The following B3GALT1 variants were observed in gnomAD, a reference collection of about 807,000 sequenced individuals.
B3GALT1 encodes UDP-Gal:betaGlcNAc beta 1,3-galactosyltransferase, polypeptide 1.
B3GALT1 carries 10 observed loss-of-function variants against 23.2 expected under a neutral mutation model. That is an observed-to-expected ratio of 0.43 (90% CI 0.27 to 0.73). The LOEUF (loss-of-function observed/expected upper bound fraction) is 0.73. Ranked by LOEUF, B3GALT1 falls within the 30% of genes least tolerant of loss-of-function variation. B3GALT1 has a pLI of 0.21. For missense variants in B3GALT1, 299 were observed against 405.4 expected, an observed-to-expected ratio of 0.74 and a Z score of 2.25; for synonymous variants, 156 against 141.5, an observed-to-expected ratio of 1.10 and a Z score of -0.73.
chr2:167,493,204 A>G (rs1699735486), intron 2 of B3GALT1, among the ~76,000 whole-genome samples: 1 of 152,156 alleles, frequency 6.6e-6, no homozygotes, highest in Admixed American at 6.5e-5. Flanking sequence ...CTTTCACATT[A>G]TAGTCATTTT....
chr2:167,601,113 G>T lies in B3GALT1; in HGVS notation c.-409-45796G>T, dbSNP rs139022276. The stretch of plus-strand genomic sequence containing the variant: ...TCTAGCTCTGTTGCCAGACTGGAGT[G>T]CAGTGGTGCAATCTCTGCTCACTGC... On this transcript the variant is annotated intron_variant, in intron 2 of 4. Transcript: ENST00000392690. 1.8e-3 allele frequency among the ~76,000 whole-genome samples: 277 copies of T among 152,310 alleles called. 2 individuals carry two copies. The East Asian group carries it at 0.034, about 18-fold the overall frequency.
chr2:167,864,351 T>C (rs1380789107), intron 4 of B3GALT1, among the ~76,000 whole-genome samples: 2 of 152,110 alleles, frequency 1.3e-5, no homozygotes, highest in African/African-American at 2.4e-5. Context: ...CCAGCCAAGG[T>C]TGAGACCAGC....
At chr2:167,631,027 G>A (rs892756701) in intron 2 of B3GALT1, among the ~76,000 whole-genome samples, 1 of 138,002 alleles carries the variant, frequency 7.2e-6, no homozygotes, top group Admixed American at 7.3e-5. Flanking sequence ...AAAGGGGGGG[G>A]AATTTTACTT....
chr2:167,728,602 T>A (rs1687357938), intron 3 of B3GALT1, among the ~76,000 whole-genome samples: 1 of 152,260 alleles, frequency 6.6e-6, no homozygotes, highest in South Asian at 2.1e-4. Context: ...ATCTGCTTAG[T>A]AACTGTTGAC....
At chr2:167,527,415 A>G (rs994589729) in intron 2 of B3GALT1, among the ~76,000 whole-genome samples, 1 of 151,938 alleles carries the variant, frequency 6.6e-6, no homozygotes, top group South Asian at 2.1e-4. Context: ...TTTGATACAA[A>G]TAAGTTTCTC....
At chr2:167,435,200 C>T (rs1450653581) in intron 1 of B3GALT1, among the ~76,000 whole-genome samples, 3 of 151,506 alleles carry the variant, frequency 2.0e-5, no homozygotes, top group South Asian at 2.1e-4. Context: ...TTACAACAAC[C>T]TTTGCTTGAT....
intron 3 of B3GALT1, among the ~76,000 whole-genome samples, chr2:167,709,846 A>G (rs1008335106): frequency 6.6e-6 from 1 of 152,190 alleles, no homozygotes; most frequent in Admixed American, 6.5e-5. Context: ...CCATTTATGA[A>G]ATGAGACAAA....
intron 2 of B3GALT1, among the ~76,000 whole-genome samples, chr2:167,638,515 G>C (rs779887347): frequency 1.3e-5 from 2 of 152,030 alleles, no homozygotes; most frequent in African/African-American, 4.8e-5. Flanking sequence ...AAGTCAGAGA[G>C]AGGGAACTAA....
At chr2:167,401,895 G>A (rs1332210271) in intron 1 of B3GALT1, among the ~76,000 whole-genome samples, 1 of 152,122 alleles carries the variant, frequency 6.6e-6, no homozygotes, top group Non-Finnish European at 1.5e-5. Flanking sequence ...GTTAACTAAG[G>A]AAGATTATTT....
chr2:167,520,666 G>A (rs537361517), intron 2 of B3GALT1, among the ~76,000 whole-genome samples: 1 of 152,260 alleles, frequency 6.6e-6, no homozygotes, highest in African/African-American at 2.4e-5. Context: ...CTACCTCTTG[G>A]TAGCCATTGC....
chr2:167,308,722 A>T (rs1047047634), intron 1 of B3GALT1, among the ~76,000 whole-genome samples: 1 of 151,958 alleles, frequency 6.6e-6, no homozygotes, highest in African/African-American at 2.4e-5. Context: ...TTTAGTTGGC[A>T]ATGGGAAATG....
intron 4 of B3GALT1, among the ~76,000 whole-genome samples, chr2:167,868,593 T>A (rs1335462455): frequency 6.6e-6 from 1 of 152,148 alleles, no homozygotes; most frequent in Non-Finnish European, 1.5e-5. Context: ...ATAATCTATG[T>A]ATTTCTTAAT....
At chr2:167,728,048 CAT>C (rs1220730448) in intron 3 of B3GALT1, among the ~76,000 whole-genome samples, 1 of 152,142 alleles carries the variant, frequency 6.6e-6, no homozygotes, top group African/African-American at 2.4e-5. Context: ...CAGTGTCTGC[CAT>C]GTGACAAACA....
intron 3 of B3GALT1, among the ~76,000 whole-genome samples, chr2:167,737,108 T>G (rs182727618): frequency 6.6e-6 from 1 of 152,342 alleles, no homozygotes; most frequent in East Asian, 1.9e-4. Context: ...ATTGTTTAGA[T>G]CTCCTTGTCT....
rs569857898 is a variant in B3GALT1, at chr2:167,753,529, A to T, written c.-351-65143A>T. 4.6e-5 allele frequency among the ~76,000 whole-genome samples: 7 copies of T among 152,094 alleles called. No homozygotes were observed. In the South Asian group the frequency reaches 1.5e-3, roughly 32 times the overall value. The stretch of plus-strand genomic sequence containing the variant: ...TTGTGAAGCTTTTTTCATTTCTGGG[A>T]GCTCTTGTGTCTCCACTGAGAAGGC... On this transcript the variant is annotated intron_variant, in intron 3 of 4. Transcript: ENST00000392690.
intron 1 of B3GALT1, among the ~76,000 whole-genome samples, chr2:167,342,239 GA>G (rs1697158318): frequency 1.3e-5 from 2 of 152,104 alleles, no homozygotes; most frequent in Admixed American, 1.3e-4. Flanking sequence ...AAATGTCGAA[GA>G]AAAGTCAAAA....
At chr2:167,587,011 C>A (rs113436754) in intron 2 of B3GALT1, among the ~76,000 whole-genome samples, 3 of 152,130 alleles carry the variant, frequency 2.0e-5, no homozygotes, top group East Asian at 1.9e-4. Flanking sequence ...ATCTTGTACT[C>A]CTACCTTCAT....
intron 2 of B3GALT1, among the ~76,000 whole-genome samples, chr2:167,559,448 T>C (rs944256571): frequency 2.0e-5 from 3 of 152,194 alleles, no homozygotes; most frequent in African/African-American, 4.8e-5. Flanking sequence ...GAAACGAAGC[T>C]GGACGGAGGA....
intron 1 of B3GALT1, among the ~76,000 whole-genome samples, chr2:167,388,137 A>G (rs1156266566): frequency 1.3e-5 from 2 of 152,214 alleles, no homozygotes; most frequent in Non-Finnish European, 2.9e-5. Flanking sequence ...AGGCATTAGA[A>G]TACTAAATCC....
Sources: allele counts gnomAD v4.1 joint callset (sites outside exome capture counted in the v4.1 genomes callset), GRCh38; gene constraint gnomAD v4.1.1; transcripts MANE v1.5; gene names NCBI Gene and HGNC (gene_info 2026-07-23, HGNC 2026-07-21).